The following B4GALT6 variants were observed in gnomAD, a reference collection of about 807,000 sequenced individuals.
B4GALT6 encodes UDP-Gal:beta-GlcNAc beta-1,4-galactosyltransferase 6.
Under a neutral mutation model 46.3 loss-of-function variants are expected in B4GALT6, and 14 were observed. That is an observed-to-expected ratio of 0.30 (90% CI 0.20 to 0.47). B4GALT6 has a LOEUF of 0.47. B4GALT6 is among the 20% of genes least tolerant of loss of function. The pLI, the probability that B4GALT6 is intolerant of heterozygous loss-of-function variation, is 0.99. For synonymous variants in B4GALT6, 168 were observed against 162.0 expected, an observed-to-expected ratio of 1.04 and a Z score of -0.28; for missense variants, 386 against 480.1, an observed-to-expected ratio of 0.80 and a Z score of 1.83.
At chr18:31,661,057 C>G (rs1014126137) in intron 2 of B4GALT6, among the ~76,000 whole-genome samples, 1 of 152,122 alleles carries the variant, frequency 6.6e-6, no homozygotes, top group African/African-American at 2.4e-5. Context: ...ATTAAGACGG[C>G]TCTGCAAATT....
chr18:31,645,229 C>A, intron 4 of B4GALT6, 126 bp downstream of exon 4: 1 of 1,326,256 alleles, frequency 7.5e-7, no homozygotes, highest in Non-Finnish European at 1.0e-6. Flanking sequence ...ACATTAAAGA[C>A]AAAACTTTTG....
the B4GALT6 span, among the ~76,000 whole-genome samples, chr18:31,703,326 A>G: frequency 8.5e-5 from 13 of 152,084 alleles, no homozygotes; most frequent in African/African-American, 3.1e-4. Flanking sequence ...TCTGAGGAGA[A>G]AAAAAAATAC....
intron 7 of B4GALT6, 128 bp from the exon 8 acceptor site, chr18:31,626,512 G>T: frequency 1.9e-6 from 1 of 525,124 alleles, no homozygotes; most frequent in Non-Finnish European, 3.3e-6. Context: ...CCACAAACCA[G>T]TATAGGTCCA....
chr18:31,634,424 T>C (rs1345183565), intron 5 of B4GALT6, among the ~76,000 whole-genome samples: 2 of 152,224 alleles, frequency 1.3e-5, no homozygotes, highest in Admixed American at 1.3e-4. Flanking sequence ...GTGACAGCAC[T>C]GAGACAGAGG....
intron 1 of B4GALT6, among the ~76,000 whole-genome samples, chr18:31,668,123 A>G (rs1456175617): frequency 6.6e-6 from 1 of 151,942 alleles, no homozygotes; most frequent in Non-Finnish European, 1.5e-5. Context: ...AATGAAGAAC[A>G]CAGTCATAAA....
intron 5 of B4GALT6, among the ~76,000 whole-genome samples, chr18:31,636,165 G>T (rs1184875911): frequency 6.6e-6 from 1 of 152,214 alleles, no homozygotes; most frequent in Non-Finnish European, 1.5e-5. Context: ...TCAATGATTA[G>T]CCTAAGTGTA....
chr18:31,679,934 T>C (rs2074460585), intron 1 of B4GALT6, among the ~76,000 whole-genome samples: 1 of 152,246 alleles, frequency 6.6e-6, no homozygotes, highest in African/African-American at 2.4e-5. Context: ...AGTTCTAATC[T>C]TCTATTGGCC....
In B4GALT6 at chr18:31,659,949, C is replaced by CTTT. The variant is rs35690268; in HGVS notation, c.233-1863_233-1861dup. Among the ~76,000 whole-genome samples, 80 of 122,708 alleles carry CTTT rather than the reference C, an allele frequency of 6.5e-4. 1 individual carries two copies. Among genetic ancestry groups the CTTT allele is most frequent in the African/African-American group, 2.5e-3 (75 of 30,450 alleles). 80.5% of individuals were successfully genotyped at this position (122,708 alleles called of 152,430 possible). ...GTCCAATAAAGTTCTGATTCTTTTCCTTTTTTTTTTTTTTTTTTTTTGAGA... is the reference window on the plus strand; with the variant it reads ...GTCCAATAAAGTTCTGATTCTTTTCCTTTTTTTTTTTTTTTTTTTTTTTTGAGA... On this transcript the variant is annotated intron_variant, in intron 2 of 8. Coordinates refer to ENST00000306851, the MANE Select transcript of B4GALT6 (RefSeq NM_004775.5).
At chr18:31,627,239 T>C in intron 6 of B4GALT6, 118 bp from the exon 7 acceptor site, 1 of 759,682 alleles carries the variant, frequency 1.3e-6, no homozygotes, top group Non-Finnish European at 2.0e-6. Context: ...ATATAGACAA[T>C]TATGTTAGAA....
intron 5 of B4GALT6, among the ~76,000 whole-genome samples, chr18:31,634,940 C>T (rs1224994410): frequency 6.6e-6 from 1 of 152,120 alleles, no homozygotes; most frequent in East Asian, 1.9e-4. Context: ...ATTCTCAGGA[C>T]CATATGCCTT....
At chr18:31,683,063 C>T (rs1482911798) in intron 1 of B4GALT6, among the ~76,000 whole-genome samples, 1 of 152,150 alleles carries the variant, frequency 6.6e-6, no homozygotes, top group Non-Finnish European at 1.5e-5. Flanking sequence ...GATACGTCAA[C>T]GTTTCACAAT....
chr18:31,662,985 A>G (rs1161807018), intron 2 of B4GALT6, among the ~76,000 whole-genome samples: 3 of 152,258 alleles, frequency 2.0e-5, no homozygotes, highest in Non-Finnish European at 4.4e-5. Flanking sequence ...TTTGGGAACC[A>G]CCACAACTGC....
At chr18:31,652,627 G>A (rs1031952524) in intron 3 of B4GALT6, among the ~76,000 whole-genome samples, 4 of 152,180 alleles carry the variant, frequency 2.6e-5, no homozygotes, top group Admixed American at 6.5e-5. Flanking sequence ...CGGCCCAAAC[G>A]GAACCCACTA....
chr18:31,647,362 G>A (rs567041456), intron 3 of B4GALT6, among the ~76,000 whole-genome samples: 32 of 152,238 alleles, frequency 2.1e-4, no homozygotes, highest in African/African-American at 7.7e-4. Context: ...CATATGTGCT[G>A]GCAAGAGACA....
At chr18:31,689,346 G>A (rs2030032005), upstream of B4GALT6, among the ~76,000 whole-genome samples, 2 of 152,142 alleles carry the variant, frequency 1.3e-5, no homozygotes, top group South Asian at 4.1e-4. Flanking sequence ...TGGGAGGGCA[G>A]ACAAGGAGAA....
At chr18:31,674,783 T>G (rs2074396890) in intron 1 of B4GALT6, among the ~76,000 whole-genome samples, 1 of 152,100 alleles carries the variant, frequency 6.6e-6, no homozygotes, top group Non-Finnish European at 1.5e-5. Context: ...ATACTACACC[T>G]AGGACTAAGG....
At chr18:31,665,230 C>T (rs916015249) in intron 2 of B4GALT6, among the ~76,000 whole-genome samples, 7 of 152,158 alleles carry the variant, frequency 4.6e-5, no homozygotes, top group Admixed American at 2.0e-4. Flanking sequence ...ATAAAGGGTA[C>T]AACAACTGAC....
At chr18:31,653,666 T>C (rs1269899691) in intron 3 of B4GALT6, among the ~76,000 whole-genome samples, 1 of 151,936 alleles carries the variant, frequency 6.6e-6, no homozygotes, top group Non-Finnish European at 1.5e-5. Context: ...AGGCTGGTCT[T>C]GAACTCCTGA....
chr18:31,659,199 G>C (rs189093693), intron 2 of B4GALT6, among the ~76,000 whole-genome samples: 1 of 152,346 alleles, frequency 6.6e-6, no homozygotes, highest in Admixed American at 6.5e-5. Context: ...TTCTTTGAAT[G>C]TTGAGTAATC....
Sources: gnomAD v4.1 joint callset for allele counts (sites outside exome capture counted in the v4.1 genomes callset) on GRCh38, gnomAD v4.1.1 for gene constraint, MANE v1.5 for transcripts, NCBI Gene and HGNC (gene_info 2026-07-23, HGNC 2026-07-21) for gene names.